Variants in IGF1R observed in about 807,000 individuals in gnomAD.
IGF1R encodes the protein insulin-like growth factor 1 receptor.
In IGF1R, 44 loss-of-function variants were observed where a neutral mutation model predicts 144.6. That is an observed-to-expected ratio of 0.30 (90% confidence interval 0.24 to 0.39). IGF1R has a LOEUF of 0.39. Ranked by LOEUF, IGF1R falls within the 10% of genes least tolerant of loss-of-function variation. The pLI is 1.00. For missense variants in IGF1R, 1,355 were observed against 1,833.7 expected, an observed-to-expected ratio of 0.74 and a Z score of 4.77; for synonymous variants, 795 against 722.8, an observed-to-expected ratio of 1.10 and a Z score of -1.60.
At position 98,899,625 on chromosome 15, in the gene IGF1R, A is replaced by G; in HGVS notation, c.1247+4A>G. 6.2e-7 allele frequency: 1 copy of G among 1,613,994 alleles called. No individual in the cohort carries two copies. The highest frequency in any genetic ancestry group is 8.5e-7 in the Non-Finnish European group (1 of 1,179,876). ...TAGGAGAGGAGCAGCTAGAAGGGTA[A>G]GTGCCCCAAATTTCATGAGCTGACG... On this transcript the variant is annotated splice_donor_region_variant and intron_variant, in intron 5 of 20. Transcript: ENST00000650285.
chr15:98,720,994 C>A (rs1316036366), intron 2 of IGF1R, among the ~76,000 whole-genome samples: 1 of 152,122 alleles, frequency 6.6e-6, no homozygotes, highest in Non-Finnish European at 1.5e-5. Context: ...GTGATCAAAG[C>A]AAAATTAAAA....
chr15:98,814,315 A>G (rs572982702), intron 2 of IGF1R, among the ~76,000 whole-genome samples: 1 of 152,274 alleles, frequency 6.6e-6, no homozygotes, highest in South Asian at 2.1e-4. Context: ...CCTGTGTAGC[A>G]CTGCTTTCGG....
intron 2 of IGF1R, among the ~76,000 whole-genome samples, chr15:98,738,027 C>A (rs1263044200): frequency 6.6e-6 from 1 of 152,180 alleles, no homozygotes; most frequent in Non-Finnish European, 1.5e-5. Context: ...CAGGCTGTTT[C>A]CGCTGGGTGC....
intron 15 of IGF1R, among the ~76,000 whole-genome samples, chr15:98,933,621 C>T (rs995375012): frequency 4.6e-5 from 7 of 152,332 alleles, no homozygotes; most frequent in South Asian, 2.1e-4. Context: ...CCACCGCACA[C>T]GGCCCATTTA....
chr15:98,952,349 C>T (rs927406590), intron 20 of IGF1R, among the ~76,000 whole-genome samples: 4 of 151,136 alleles, frequency 2.6e-5, no homozygotes, highest in African/African-American at 9.8e-5. Flanking sequence ...CACAGGTGAC[C>T]ATCTGCTCCA....
chr15:98,908,285 A>G (rs1395658898), intron 5 of IGF1R, among the ~76,000 whole-genome samples: 1 of 152,248 alleles, frequency 6.6e-6, no homozygotes, highest in African/African-American at 2.4e-5. Context: ...ACTTTAGAGC[A>G]AAGTGTACGC....
intron 1 of IGF1R, chr15:98,660,388 C>T (rs1248975565): frequency 1.3e-5 from 2 of 152,214 alleles, no homozygotes; most frequent in Non-Finnish European, 2.9e-5. Flanking sequence ...TGCTATACCT[C>T]CTATTTGGGC....
chr15:98,692,979 A>G (rs2053512888), intron 1 of IGF1R, among the ~76,000 whole-genome samples: 2 of 152,164 alleles, frequency 1.3e-5, no homozygotes, highest in Admixed American at 6.5e-5. Context: ...GCATTTTGCC[A>G]AGGCTTTGTC....
chr15:98,845,009 C>T (rs531699409), intron 2 of IGF1R, among the ~76,000 whole-genome samples: 1 of 152,318 alleles, frequency 6.6e-6, no homozygotes, highest in South Asian at 2.1e-4. Context: ...GGCACCCTCT[C>T]CACACACAAC....
rs547051363 is a variant in IGF1R, at chr15:98,941,308, C to T, written c.3458-1615C>T. On this transcript the variant is annotated intron_variant, in intron 18 of 20. Transcript: ENST00000650285. ...CTGTCTGTGTCTTATTCCCACCCTCCGGGCACATGGGGGGAACTCAGTTTC... is the reference window on the plus strand; with the variant it reads ...CTGTCTGTGTCTTATTCCCACCCTCTGGGCACATGGGGGGAACTCAGTTTC... Among the ~76,000 whole-genome samples the T allele has an allele frequency of 1.6e-4, 24 of 152,342 alleles. No individual in the cohort carries two copies. In the South Asian group the frequency reaches 3.7e-3, roughly 24 times the overall value.
At chr15:98,951,896 G>A (rs972825852) in intron 20 of IGF1R, among the ~76,000 whole-genome samples, 2 of 152,234 alleles carry the variant, frequency 1.3e-5, no homozygotes, top group South Asian at 2.1e-4. Context: ...AGCTGTGGGC[G>A]TCACATAAGC....
rs990809915 is a variant in IGF1R at position 98,961,111 on chromosome 15, C to T, written c.*3669C>T. ...CAGGAGCCTCCTGCTGGAACGCGAC[C>T]CATCTCTCCCAGGACCCCGGGGATC... On this transcript the variant is annotated 3_prime_UTR_variant, in exon 21 of 21. Coordinates refer to ENST00000650285, the MANE Select transcript of IGF1R (RefSeq NM_000875.5). 15 of 233,430 alleles carry T rather than the reference C, an allele frequency of 6.4e-5. No individual in the cohort carries two copies. The highest frequency in any genetic ancestry group is 2.6e-4 in the African/African-American group (12 of 45,322). The allele number at this position is 233,430 out of a possible 1,614,324, so 14.5% of individuals were successfully genotyped here. A position where few individuals can be genotyped will look rare whatever the true frequency, so the allele number is the denominator to read the frequency against.
At chr15:98,874,149 T>C (rs1402977988) in intron 2 of IGF1R, among the ~76,000 whole-genome samples, 1 of 152,140 alleles carries the variant, frequency 6.6e-6, no homozygotes, top group African/African-American at 2.4e-5. Flanking sequence ...AATGTATCTT[T>C]GGTGGCCCGG....
At chr15:98,683,133 T>C (rs932739529) in intron 1 of IGF1R, among the ~76,000 whole-genome samples, 5 of 151,910 alleles carry the variant, frequency 3.3e-5, no homozygotes, top group East Asian at 1.9e-4. Flanking sequence ...TTTGTTTCCA[T>C]AGGATCTGAC....
intron 2 of IGF1R, among the ~76,000 whole-genome samples, chr15:98,733,092 C>T (rs1017389301): frequency 6.6e-6 from 1 of 152,186 alleles, no homozygotes; most frequent in Non-Finnish European, 1.5e-5. Context: ...GAACACCTGG[C>T]GTATCCCATG....
At chr15:98,810,905 ACATCTGGCC>A (rs2056576026) in intron 2 of IGF1R, among the ~76,000 whole-genome samples, 1 of 152,134 alleles carries the variant, frequency 6.6e-6, no homozygotes, top group African/African-American at 2.4e-5. Flanking sequence ...CCATGCTGCC[ACATCTGGCC>A]TGCCACACCT....
At chr15:98,755,770 T>C (rs542892707) in intron 2 of IGF1R, among the ~76,000 whole-genome samples, 1 of 59,724 alleles carries the variant, frequency 1.7e-5, no homozygotes, top group South Asian at 9.0e-4. Context: ...ACTGCCTTGT[T>C]CCTGATTTAA....
intron 2 of IGF1R, among the ~76,000 whole-genome samples, chr15:98,875,574 T>C (rs2013021566): frequency 1.3e-5 from 2 of 152,114 alleles, no homozygotes. Context: ...ATGGCTTTAG[T>C]GTTCAGACCA....
intron 20 of IGF1R, among the ~76,000 whole-genome samples, chr15:98,951,919 G>A (rs1049058929): frequency 4.6e-5 from 7 of 152,204 alleles, no homozygotes; most frequent in Non-Finnish European, 1.0e-4. Context: ...GCGTGGCTGT[G>A]TTCCAATACA....
Sources: gnomAD v4.1 joint callset for allele counts (sites outside exome capture counted in the v4.1 genomes callset) on GRCh38, gnomAD v4.1.1 for gene constraint, MANE v1.5 for transcripts, NCBI Gene and HGNC (gene_info 2026-07-23, HGNC 2026-07-21) for gene names.